Variants in LARGE1 observed in about 807,000 individuals in gnomAD.
The protein encoded by LARGE1 is xylosyl- and glucuronyltransferase LARGE1.
In LARGE1, 43 loss-of-function variants were observed where a neutral mutation model predicts 87.6. That is an observed-to-expected ratio of 0.49 (90% CI 0.38 to 0.63). The LOEUF is 0.63. Among genes scored for constraint, LARGE1 ranks in the 30% least tolerant of loss-of-function variants. LARGE1 has a pLI of 0.00. For synonymous variants in LARGE1, 434 were observed against 394.6 expected (o/e 1.10, Z -1.18); for missense variants, 802 against 1,000.2 (o/e 0.80, Z 2.67).
chr22:33,527,275 A>G (rs940811003), intron 6 of LARGE1, among the ~76,000 whole-genome samples: 24 of 152,184 alleles, frequency 1.6e-4, no homozygotes, highest in African/African-American at 5.8e-4. Context: ...AGCGAATTCC[A>G]AGGATAAAAA....
intron 3 of LARGE1, among the ~76,000 whole-genome samples, chr22:33,636,934 A>G (rs2080286041): frequency 6.6e-6 from 1 of 152,220 alleles, no homozygotes; most frequent in African/African-American, 2.4e-5. Flanking sequence ...AATCATCAAT[A>G]ATAATAACAA....
At chr22:33,407,292 G>A (rs185520043) in intron 7 of LARGE1, among the ~76,000 whole-genome samples, 23 of 152,240 alleles carry the variant, frequency 1.5e-4, no homozygotes, top group Admixed American at 1.2e-3. Flanking sequence ...CCCAAGTAGC[G>A]GGAACTATAG....
At chr22:33,434,645 G>A (rs1365847516) in intron 6 of LARGE1, among the ~76,000 whole-genome samples, 1 of 152,156 alleles carries the variant, frequency 6.6e-6, no homozygotes, top group African/African-American at 2.4e-5. Flanking sequence ...TAAATTTCAG[G>A]TAAGGTCATC....
intron 3 of LARGE1, among the ~76,000 whole-genome samples, chr22:33,642,754 A>G (rs2080483067): frequency 1.4e-5 from 2 of 144,656 alleles, no homozygotes; most frequent in South Asian, 4.4e-4. Flanking sequence ...ATGCAATCCT[A>G]GTCTCTGATA....
At chr22:33,372,906 A>G (rs1291824661) in intron 9 of LARGE1, among the ~76,000 whole-genome samples, 1 of 152,218 alleles carries the variant, frequency 6.6e-6, no homozygotes, top group Non-Finnish European at 1.5e-5. Context: ...TAGGAGAGTA[A>G]TATGAAGAAA....
Position 33,676,372 on chromosome 22 carries a change from C to CAAAAAAAAAAAAAAAA in LARGE1, c.107-25720_107-25705dup, listed in dbSNP as rs10567981. Reference sequence around the variant, plus strand: ...ACATCATATGTTACAGATTCAATGGCAAAAAAAAAAAAAAAAAAAAAAAAA... The same window carrying CAAAAAAAAAAAAAAAA: ...ACATCATATGTTACAGATTCAATGGCAAAAAAAAAAAAAAAAAAAAAAAAAAAAAAAAAAAAAAAAA... On this transcript the variant is annotated intron_variant, in intron 2 of 14. Transcript: ENST00000397394. Among the ~76,000 whole-genome samples the CAAAAAAAAAAAAAAAA allele has an allele frequency of 2.5e-4, 4 of 16,284 alleles. 1 individual carries two copies. In the Admixed American group the frequency reaches 3.6e-3, roughly 15 times the overall value. 10.7% of individuals were successfully genotyped at this position (16,284 alleles called of 152,430 possible). A position where few individuals can be genotyped will look rare whatever the true frequency, so the allele number is the denominator to read the frequency against.
At chr22:33,425,466 T>C (rs981854859) in intron 7 of LARGE1, among the ~76,000 whole-genome samples, 1 of 152,172 alleles carries the variant, frequency 6.6e-6, no homozygotes, top group African/African-American at 2.4e-5. Flanking sequence ...CCACCCAGTC[T>C]ATGGGACATC....
chr22:33,722,230 G>T (rs2083122087), intron 2 of LARGE1, among the ~76,000 whole-genome samples: 1 of 150,394 alleles, frequency 6.6e-6, no homozygotes, highest in Non-Finnish European at 1.5e-5. Flanking sequence ...TCTAGCCTGG[G>T]AGGGAGAAAG....
intron 13 of LARGE1, among the ~76,000 whole-genome samples, chr22:33,282,986 T>C (rs1439543758): frequency 6.6e-6 from 1 of 152,122 alleles, no homozygotes; most frequent in Non-Finnish European, 1.5e-5. Context: ...ACACATAACG[T>C]CTGTCATCCA....
chr22:33,295,867 C>G (rs1050945207), intron 12 of LARGE1, among the ~76,000 whole-genome samples: 3 of 152,136 alleles, frequency 2.0e-5, no homozygotes, highest in Non-Finnish European at 4.4e-5. Context: ...GAGCAAGATC[C>G]GGTGATTCCT....
intron 2 of LARGE1, among the ~76,000 whole-genome samples, chr22:33,734,541 A>G (rs1274098354): frequency 6.6e-6 from 1 of 152,136 alleles, no homozygotes; most frequent in Non-Finnish European, 1.5e-5. Flanking sequence ...CAACAGTAGT[A>G]TTGTGCTTTG....
At chr22:33,434,803 T>C (rs1174003592) in intron 6 of LARGE1, among the ~76,000 whole-genome samples, 2 of 152,294 alleles carry the variant, frequency 1.3e-5, no homozygotes, top group Non-Finnish European at 2.9e-5. Flanking sequence ...ATTTCTACCT[T>C]GCTCATATAG....
intron 1 of LARGE1, among the ~76,000 whole-genome samples, chr22:33,780,469 G>A (rs2085383685): frequency 6.6e-6 from 1 of 152,172 alleles, no homozygotes; most frequent in East Asian, 1.9e-4. Flanking sequence ...CCAGGCAGCT[G>A]GAGGATGGAC....
intron 2 of LARGE1, among the ~76,000 whole-genome samples, chr22:33,657,851 C>T (rs1483765995): frequency 6.6e-6 from 1 of 152,072 alleles, no homozygotes; most frequent in Non-Finnish European, 1.5e-5. Context: ...AGTACATGTC[C>T]TTGGGTGCTG....
Position 33,838,343 on chromosome 22 carries a change from T to A in LARGE1, c.-82-76785A>T, listed in dbSNP as rs191080615. On this transcript the variant is annotated intron_variant, in intron 1 of 14. Coordinates refer to ENST00000397394, the MANE Select transcript of LARGE1 (RefSeq NM_133642.5). ...ACAGCCACTAGGATCTCAAAAAATG[T>A]GTTTTAAAAAATTGGACAGGTGTAG... Among the ~76,000 whole-genome samples the A allele has an allele frequency of 1.1e-3, 175 of 152,316 alleles. 1 individual carries two copies. The highest frequency in any genetic ancestry group is 3.9e-3 in the African/African-American group (162 of 41,566).
chr22:33,451,513 A>T (rs1387675740), intron 6 of LARGE1, among the ~76,000 whole-genome samples: 1 of 147,144 alleles, frequency 6.8e-6, no homozygotes, highest in Admixed American at 6.7e-5. Context: ...ACCCCCTCAA[A>T]CCCTTTCCCC....
chr22:33,898,605 T>C (rs1419128661), intron 1 of LARGE1, among the ~76,000 whole-genome samples: 1 of 152,134 alleles, frequency 6.6e-6, no homozygotes, highest in Non-Finnish European at 1.5e-5. Context: ...AAATAGAAAA[T>C]TAGCTGGGCG....
Position 33,541,052 on chromosome 22 carries a change from T to TGGGCG in LARGE1, c.787+23795_787+23796insCGCCC, listed in dbSNP as rs1569252166. 4.1e-3 allele frequency among the ~76,000 whole-genome samples: 105 copies of TGGGCG among 25,324 alleles called. 9 individuals carry two copies. Among genetic ancestry groups the TGGGCG allele is most frequent in the Non-Finnish European group, 6.9e-3 (85 of 12,402 alleles). The allele number at this position is 25,324 out of a possible 152,430, so 16.6% of individuals were successfully genotyped here. A position where few individuals can be genotyped will look rare whatever the true frequency, so the allele number is the denominator to read the frequency against. On this transcript the variant is annotated intron_variant, in intron 6 of 14. Coordinates refer to ENST00000397394, the MANE Select transcript of LARGE1 (RefSeq NM_133642.5). ...ACTCATGGTGGCTGGGGTGGTGGGT[T>TGGGCG]GCGGGGGGGGGGGGGCGGGGGGCGG...
chr22:33,341,316 C>T (rs144282269), intron 9 of LARGE1, among the ~76,000 whole-genome samples: 4 of 152,074 alleles, frequency 2.6e-5, no homozygotes, highest in Non-Finnish European at 2.9e-5. Flanking sequence ...ACTTCCCAGC[C>T]TCCAGAAACT....
Sources: gnomAD v4.1 joint callset for allele counts (sites outside exome capture counted in the v4.1 genomes callset) on GRCh38, gnomAD v4.1.1 for gene constraint, MANE v1.5 for transcripts, NCBI Gene and HGNC (gene_info 2026-07-23, HGNC 2026-07-21) for gene names.